NTM: variants seen among roughly 807,000 people sequenced by gnomAD.
NTM encodes the protein IgLON family member 2.
NTM carries 13 observed loss-of-function variants against 42.1 expected under a neutral mutation model. The observed-to-expected ratio is 0.31, with a 90% CI of 0.20 to 0.49. The LOEUF (loss-of-function observed/expected upper bound fraction) is 0.49, where lower values mean the gene tolerates loss of function less well. Among genes scored for constraint, NTM ranks in the 20% least tolerant of loss-of-function variants. The pLI is 0.99. For synonymous variants in NTM, 187 were observed against 179.2 expected (o/e 1.04, Z -0.35); for missense variants, 373 against 452.8 (o/e 0.82, Z 1.60).
At chr11:131,795,040 G>C (rs368111769) in intron 1 of NTM, 24 of 957,852 alleles carry the variant, frequency 2.5e-5, no homozygotes, top group African/African-American at 1.8e-4. Context: ...TGTAGCCAAA[G>C]GGGGGGAAAA....
chr11:131,911,666 T>C lies in NTM; in HGVS notation c.167+18T>C, dbSNP rs2055033584. 1 of 1,613,966 alleles carries C rather than the reference T, an allele frequency of 6.2e-7. No individual in the cohort carries two copies. Among genetic ancestry groups the C allele is most frequent in the Non-Finnish European group, 8.5e-7 (1 of 1,179,860 alleles). On this transcript the variant is annotated intron_variant, in intron 2 of 8. Transcript: ENST00000683400. Reference sequence around the variant, plus strand: ...ACCCTCAGGTAGGGAGCTGACATTGTTCTGCGAACTGATGGTTTGTATGGG... The same window carrying C: ...ACCCTCAGGTAGGGAGCTGACATTGCTCTGCGAACTGATGGTTTGTATGGG...
At chr11:131,844,814 T>A (rs553380957) in intron 1 of NTM, among the ~76,000 whole-genome samples, 1 of 152,222 alleles carries the variant, frequency 6.6e-6, no homozygotes, top group Non-Finnish European at 1.5e-5. Context: ...ATTCATCTTA[T>A]ATTCAGCAAC....
At chr11:132,015,021 T>G (rs1420545963) in intron 2 of NTM, among the ~76,000 whole-genome samples, 1 of 152,098 alleles carries the variant, frequency 6.6e-6, no homozygotes, top group Non-Finnish European at 1.5e-5. Flanking sequence ...TTTTATAGTT[T>G]TAGTTCTTAC....
intron 1 of NTM, among the ~76,000 whole-genome samples, chr11:131,472,214 C>G (rs945026407): frequency 3.9e-5 from 6 of 152,148 alleles, no homozygotes; most frequent in African/African-American, 7.2e-5. Flanking sequence ...AGGAAGTCAG[C>G]CCTGCTTTGT....
At chr11:131,802,153 T>A (rs2092171199) in intron 1 of NTM, among the ~76,000 whole-genome samples, 1 of 152,166 alleles carries the variant, frequency 6.6e-6, no homozygotes, top group Non-Finnish European at 1.5e-5. Context: ...AATAAAAGAC[T>A]CCTAAATTAG....
At chr11:132,121,834 C>A (rs2064887659) in intron 2 of NTM, among the ~76,000 whole-genome samples, 1 of 152,152 alleles carries the variant, frequency 6.6e-6, no homozygotes, top group Admixed American at 6.5e-5. Flanking sequence ...GAGTTCAATT[C>A]TTCTGCTCCT....
At chr11:132,131,659 G>A (rs1376739694) in intron 2 of NTM, among the ~76,000 whole-genome samples, 1 of 152,042 alleles carries the variant, frequency 6.6e-6, no homozygotes, top group African/African-American at 2.4e-5. Context: ...AGACCTCAAG[G>A]TCCTGGCATG....
At chr11:132,228,741 C>T (rs745789437) in intron 4 of NTM, among the ~76,000 whole-genome samples, 48 of 152,196 alleles carry the variant, frequency 3.2e-4, no homozygotes, top group Admixed American at 7.2e-4. Flanking sequence ...TGCTTCTGAG[C>T]GGTCACGTTC....
Position 131,551,171 on chromosome 11 carries a change from GC to G in NTM, c.82+180286del, listed in dbSNP as rs543204482. On this transcript the variant is annotated intron_variant, in intron 1 of 8. Transcript: ENST00000683400. ...CAGGTGTGACACTGGTCCCAGCTCA[GC>G]CCTTGCTTTTAGTCTGCACTCTACT... Among the ~76,000 whole-genome samples, 4 of 152,328 alleles carry G rather than the reference GC, an allele frequency of 2.6e-5. No homozygotes were observed. In the East Asian group the frequency reaches 7.7e-4, roughly 29 times the overall value.
intron 1 of NTM, among the ~76,000 whole-genome samples, chr11:131,657,128 A>C (rs2067293080): frequency 7.0e-6 from 1 of 143,036 alleles, no homozygotes; most frequent in Admixed American, 7.1e-5. Flanking sequence ...GTGGTTTTAC[A>C]ATGGCCCTAT....
intron 1 of NTM, among the ~76,000 whole-genome samples, chr11:131,408,277 T>G (rs533137380): frequency 1.2e-4 from 18 of 152,314 alleles, no homozygotes; most frequent in African/African-American, 4.1e-4. Context: ...TGCTGAGATG[T>G]GCAAACCCCT....
intron 1 of NTM, chr11:131,671,672 C>A (rs2070271143): frequency 2.2e-6 from 2 of 907,652 alleles, no homozygotes; most frequent in African/African-American, 3.6e-5. Context: ...GTATAGGAAG[C>A]AGACGCCTTG....
intron 2 of NTM, among the ~76,000 whole-genome samples, chr11:132,037,411 C>A (rs11222875): frequency 6.6e-6 from 1 of 152,102 alleles, no homozygotes; most frequent in Admixed American, 6.5e-5. Flanking sequence ...TCATTATAAT[C>A]CATCTTGGGT....
At chr11:132,138,563 AATCTATCTATCT>A (rs6144568) in intron 2 of NTM, among the ~76,000 whole-genome samples, 3,454 of 127,152 alleles carry the variant, frequency 0.027, 69 homozygotes, top group East Asian at 0.083. Context: ...TTTTCAACAG[AATCTATCTATCT>A]ATCTATCTAT....
At chr11:132,130,630 A>G (rs2066643137) in intron 2 of NTM, among the ~76,000 whole-genome samples, 1 of 152,160 alleles carries the variant, frequency 6.6e-6, no homozygotes, top group South Asian at 2.1e-4. Context: ...TCACAGTTCT[A>G]CACCACTTTC....
chr11:131,402,501 GA>G (rs1020481895), intron 1 of NTM, among the ~76,000 whole-genome samples: 11 of 151,640 alleles, frequency 7.3e-5, no homozygotes, highest in African/African-American at 2.4e-4. Flanking sequence ...GAAACTAAGA[GA>G]AAAAAAGGAG....
At position 132,136,282 on chromosome 11, in the gene NTM, A is replaced by C. The variant is rs192415514; in HGVS notation, c.168-10000A>C. On this transcript the variant is annotated intron_variant, in intron 2 of 8. Transcript: ENST00000683400. ...TTGGAGGATGCCAGTCCACTCACCT[A>C]CTGTGCCTCACTCTCACCTAGGCCC... Among the ~76,000 whole-genome samples, 308 of 152,278 alleles carry C rather than the reference A, an allele frequency of 2.0e-3. 1 individual carries two copies. The highest frequency in any genetic ancestry group is 3.3e-3 in the Admixed American group (51 of 15,300).
chr11:131,866,675 G>A (rs1262446035), intron 1 of NTM, among the ~76,000 whole-genome samples: 3 of 152,108 alleles, frequency 2.0e-5, no homozygotes, highest in African/African-American at 7.2e-5. Context: ...AAACACCCTC[G>A]GATTATTTTT....
intron 2 of NTM, among the ~76,000 whole-genome samples, chr11:132,122,633 A>C (rs887342109): frequency 6.6e-6 from 1 of 152,198 alleles, no homozygotes; most frequent in African/African-American, 2.4e-5. Flanking sequence ...AATAAGCAGC[A>C]GTGCCACCTC....
Sources: gnomAD v4.1 joint callset for allele counts (sites outside exome capture counted in the v4.1 genomes callset) on GRCh38, gnomAD v4.1.1 for gene constraint, MANE v1.5 for transcripts, NCBI Gene and HGNC (gene_info 2026-07-23, HGNC 2026-07-21) for gene names.